The following GLI3 variants were observed in gnomAD, a reference collection of about 807,000 sequenced individuals.
GLI3 encodes the protein transcription activator GLI3.
GLI3 carries 20 observed loss-of-function variants against 100.8 expected under a neutral mutation model. The observed-to-expected ratio is 0.20, with a 90% confidence interval of 0.14 to 0.29. GLI3 has a LOEUF of 0.29. Among genes scored for constraint, GLI3 ranks in the 10% least tolerant of loss-of-function variants. GLI3 has a pLI of 1.00. For synonymous variants in GLI3, 938 were observed against 860.5 expected (o/e 1.09, Z -1.58); for missense variants, 2,040 against 2,128.5 (o/e 0.96, Z 0.82).
intron 4 of GLI3, 27 bp from the exon 5 acceptor site, chr7:42,048,723 G>A: frequency 6.8e-7 from 1 of 1,468,382 alleles, no homozygotes; most frequent in South Asian, 1.1e-5. Flanking sequence ...CCAGATACAA[G>A]GGGTATGCAT....
intron 10 of GLI3, among the ~76,000 whole-genome samples, chr7:42,016,904 G>T (rs1374665464): frequency 2.0e-5 from 3 of 152,030 alleles, no homozygotes; most frequent in Non-Finnish European, 4.4e-5. Flanking sequence ...ACCTCTTGTT[G>T]TTCACTATGC....
Position 42,148,227 on chromosome 7 carries a change from G to A in GLI3, c.366C>T (p.Tyr122=), listed in dbSNP as rs1366557334. ...GTGCCGACTGGCATGGGCACTTACG[G>A]TAGTGGGGCTCCATGTAACCATTCC... is the stretch of plus-strand genomic sequence containing the variant. ...DPRNGYMEPH[Y]HPPHLFPAFH... is the part of the protein sequence containing the mutation. Residue 122 remains tyrosine, a splice_region_variant and synonymous_variant, in exon 3 of 15, where the codon TAC becomes TAT. Transcript: ENST00000395925. The A allele has an allele frequency of 1.2e-6, 2 of 1,609,266 alleles. No homozygotes were observed. The highest frequency in any genetic ancestry group is 1.7e-6 in the Non-Finnish European group (2 of 1,177,462).
chr7:42,104,218 A>C (rs1387204411), intron 3 of GLI3, among the ~76,000 whole-genome samples: 1 of 152,218 alleles, frequency 6.6e-6, no homozygotes, highest in Non-Finnish European at 1.5e-5. Flanking sequence ...AAAAGTCAAC[A>C]TTAGTCTAAA....
At chr7:42,191,898 T>C (rs896719383) in intron 2 of GLI3, among the ~76,000 whole-genome samples, 1 of 152,028 alleles carries the variant, frequency 6.6e-6, no homozygotes, top group Non-Finnish European at 1.5e-5. Flanking sequence ...AGAGTCCTCA[T>C]GAGAATCCAT....
intron 3 of GLI3, among the ~76,000 whole-genome samples, chr7:42,126,942 A>T (rs1361084224): frequency 6.6e-6 from 1 of 152,132 alleles, no homozygotes; most frequent in Non-Finnish European, 1.5e-5. Flanking sequence ...AACCCCAGAG[A>T]AAAACCCAAT....
intron 3 of GLI3, among the ~76,000 whole-genome samples, chr7:42,134,950 T>C (rs1312588500): frequency 6.6e-6 from 1 of 152,074 alleles, no homozygotes; most frequent in East Asian, 1.9e-4. Flanking sequence ...ATAAATTTGA[T>C]ATTTGGAAGG....
At position 42,173,001 on chromosome 7, in the gene GLI3, C is replaced by T. The variant is rs1377717539; in HGVS notation, c.125-24533G>A. On this transcript the variant is annotated intron_variant, in intron 2 of 14. Coordinates refer to ENST00000395925, the MANE Select transcript of GLI3 (RefSeq NM_000168.6). ...TGAACAAGAAGTCCAGTGCCCTTAC[C>T]CGGTAGTGCCTGCCCTCTGCAGGGT... Among the ~76,000 whole-genome samples, 6 of 152,294 alleles carry T rather than the reference C, an allele frequency of 3.9e-5. 1 individual carries two copies. The Middle Eastern group carries it at 0.01, about 259-fold the overall frequency.
chr7:42,144,439 G>A (rs1562755843), intron 3 of GLI3, among the ~76,000 whole-genome samples: 1 of 152,020 alleles, frequency 6.6e-6, no homozygotes, highest in Non-Finnish European at 1.5e-5. Flanking sequence ...CGTCCACTGC[G>A]ACCCTTCATG....
At chr7:41,979,290 G>T (rs751150337) in intron 10 of GLI3, among the ~76,000 whole-genome samples, 1 of 152,180 alleles carries the variant, frequency 6.6e-6, no homozygotes, top group Admixed American at 6.5e-5. Context: ...TTAGCTCAGG[G>T]TTAATCAGAC....
At chr7:42,206,925 T>C (rs1194722232) in intron 2 of GLI3, among the ~76,000 whole-genome samples, 2 of 152,052 alleles carry the variant, frequency 1.3e-5, no homozygotes, top group Non-Finnish European at 2.9e-5. Context: ...AAAGAAGATA[T>C]CCAAACGGCC....
rs761357585 is a variant in GLI3, at chr7:42,025,247, C to T, written c.1356+17G>A. ...TGGGAGGAGTGGGCGCTGGCCTGTG[C>T]GGCCTCGGTGTCCTACCTGCTGCCC... is the stretch of plus-strand genomic sequence containing the variant. On this transcript the variant is annotated intron_variant, in intron 9 of 14. Coordinates refer to ENST00000395925, the MANE Select transcript of GLI3 (RefSeq NM_000168.6). 4.8e-5 allele frequency: 74 copies of T among 1,545,162 alleles called. No individual in the cohort carries two copies. Among genetic ancestry groups the T allele is most frequent in the Admixed American group, 4.7e-4 (28 of 59,950 alleles).
chr7:42,223,364 A>G (rs1461470868), intron 1 of GLI3, 69 bp from the exon 2 acceptor site: 2 of 868,058 alleles, frequency 2.3e-6, no homozygotes, highest in South Asian at 3.0e-5. Flanking sequence ...TCAAAAGTCC[A>G]CTTCACCTGT....
At chr7:42,231,998 T>C (rs1210382429) in intron 1 of GLI3, among the ~76,000 whole-genome samples, 2 of 152,192 alleles carry the variant, frequency 1.3e-5, no homozygotes, top group African/African-American at 2.4e-5. Context: ...AATAAAGATT[T>C]AAGTAAAAGT....
intron 2 of GLI3, among the ~76,000 whole-genome samples, chr7:42,180,840 A>G (rs1488717567): frequency 1.3e-5 from 2 of 152,224 alleles, no homozygotes; most frequent in Non-Finnish European, 2.9e-5. Context: ...ACTAAATTAT[A>G]TAGCCCAAGA....
At chr7:42,134,818 G>A (rs1352885912) in intron 3 of GLI3, among the ~76,000 whole-genome samples, 1 of 152,080 alleles carries the variant, frequency 6.6e-6, no homozygotes, top group African/African-American at 2.4e-5. Flanking sequence ...ATTTCAGATT[G>A]CAGTTCACAA....
chr7:42,069,870 C>G (rs1391445453), intron 4 of GLI3, among the ~76,000 whole-genome samples: 2 of 152,214 alleles, frequency 1.3e-5, no homozygotes, highest in Admixed American at 1.3e-4. Context: ...GTATTTGGCC[C>G]ATAGGCCACA....
intron 10 of GLI3, among the ~76,000 whole-genome samples, chr7:41,993,404 C>T (rs553117216): frequency 1.3e-5 from 2 of 152,292 alleles, no homozygotes; most frequent in African/African-American, 4.8e-5. Context: ...CCCGCTCGAT[C>T]CTGGTCCTGA....
chr7:41,982,481 G>C lies in GLI3; in HGVS notation c.1498-3733C>G, dbSNP rs564221192. ...ACCTGTAATCCCCATATTTTGGGAG[G>C]CTGAGTCAGGAGGATCACTTGAGCT... On this transcript the variant is annotated intron_variant, in intron 10 of 14. Transcript: ENST00000395925. Among the ~76,000 whole-genome samples, 5 of 152,234 alleles carry C rather than the reference G, an allele frequency of 3.3e-5. No homozygotes were observed. The South Asian group carries it at 8.3e-4, about 25-fold the overall frequency.
chr7:42,000,097 G>A lies in GLI3; in HGVS notation c.1498-21349C>T, dbSNP rs548258590. On this transcript the variant is annotated intron_variant, in intron 10 of 14. Coordinates refer to ENST00000395925, the MANE Select transcript of GLI3 (RefSeq NM_000168.6). ...AGCCAAGCACGCTCATCTGTTGACC[G>A]TATTACACACAGGAAGCACGGCGGG... 3.9e-4 allele frequency among the ~76,000 whole-genome samples: 59 copies of A among 152,302 alleles called. No homozygotes were observed. In the East Asian group the frequency reaches 0.011, roughly 28 times the overall value.
Sources: allele counts gnomAD v4.1 joint callset (sites outside exome capture counted in the v4.1 genomes callset), GRCh38; gene constraint gnomAD v4.1.1; transcripts MANE v1.5; gene names NCBI Gene and HGNC (gene_info 2026-07-23, HGNC 2026-07-21).